Variants in NKTR observed in about 807,000 individuals in gnomAD.
The protein encoded by NKTR is NK-tumor recognition protein.
A neutral mutation model predicts 156.3 loss-of-function variants in NKTR; 67 were observed. The ratio of observed to expected loss-of-function variants is 0.43; its 90% CI spans 0.35 to 0.53. NKTR has a LOEUF of 0.53. Among genes scored for constraint, NKTR ranks in the 20% least tolerant of loss-of-function variants. The pLI is 0.01. For synonymous variants in NKTR, 640 were observed against 596.6 expected (o/e 1.07, Z -1.06); for missense variants, 1,604 against 1,730.9 (o/e 0.93, Z 1.30).
chr3:42,618,983 A>C lies in NKTR; in HGVS notation c.134-37A>C, dbSNP rs371376401. On this transcript the variant is annotated intron_variant, in intron 3 of 16. Coordinates refer to ENST00000232978, the MANE Select transcript of NKTR (RefSeq NM_005385.4). Reference sequence around the variant, plus strand: ...CTTTCCATGGAAGGATGTATAAATAATTAAACTTCATTTCTTTTTTTTTTT... The same window carrying C: ...CTTTCCATGGAAGGATGTATAAATACTTAAACTTCATTTCTTTTTTTTTTT... The C allele has an allele frequency of 5.9e-6, 9 of 1,528,200 alleles. No homozygotes were observed. The African/African-American group carries it at 1.0e-4, about 17-fold the overall frequency. The allele number at this position is 1,528,200 out of a possible 1,614,324, so 94.7% of individuals were successfully genotyped here.
intron 2 of NKTR, among the ~76,000 whole-genome samples, chr3:42,608,011 TTG>T (rs1706400052): frequency 2.3e-5 from 3 of 132,162 alleles, no homozygotes; most frequent in Non-Finnish European, 4.8e-5. Flanking sequence ...TTTTTTTTTT[TTG>T]AGTTTCCTTC....
chr3:42,632,546 C>T, intron 8 of NKTR, 55 bp from the exon 9 acceptor site: 4 of 1,077,350 alleles, frequency 3.7e-6, no homozygotes, highest in Non-Finnish European at 5.4e-6. Flanking sequence ...ATTTTTTACT[C>T]TGAAAGGTAG....
At chr3:42,608,489 C>T (rs1706457054) in intron 2 of NKTR, among the ~76,000 whole-genome samples, 1 of 152,108 alleles carries the variant, frequency 6.6e-6, no homozygotes, top group South Asian at 2.1e-4. Context: ...GATGCATGGG[C>T]CTTCTGGACA....
chr3:42,630,703 T>C, intron 7 of NKTR, 128 bp downstream of exon 7: 1 of 1,489,928 alleles, frequency 6.7e-7, no homozygotes, highest in Non-Finnish European at 8.9e-7. Flanking sequence ...CAAAAGCTAT[T>C]CCTTAGGATC....
rs777329859 is a variant in NKTR at position 42,642,602 on chromosome 3, C to T, written c.4142+6C>T. On this transcript the variant is annotated splice_donor_region_variant and intron_variant, in intron 14 of 16. Transcript: ENST00000232978. Reference sequence around the variant, plus strand: ...CGGAGTTACAAAAGTCACAGGTGAGCTTGTGATCTCACCCTGTGATGTGGT... The same window carrying T: ...CGGAGTTACAAAAGTCACAGGTGAGTTTGTGATCTCACCCTGTGATGTGGT... 1.5e-5 allele frequency: 24 copies of T among 1,603,856 alleles called. 2 individuals are homozygous for T. In the South Asian group the frequency reaches 1.7e-4, roughly 11 times the overall value.
At chr3:42,643,461 TGTTCAAA>T (rs1374369219) in intron 15 of NKTR, 66 bp downstream of exon 15, 1 of 1,309,198 alleles carries the variant, frequency 7.6e-7, no homozygotes, top group Non-Finnish European at 1.1e-6. Context: ...GTAAACTGTT[TGTTCAAA>T]GTGGTATTTT....
chr3:42,610,520 A>T (rs1196400359), intron 2 of NKTR, among the ~76,000 whole-genome samples: 1 of 151,778 alleles, frequency 6.6e-6, no homozygotes, highest in Non-Finnish European at 1.5e-5. Context: ...TTTCTTTTTT[A>T]AAATTTATTT....
intron 15 of NKTR, 83 bp from the exon 16 acceptor site, chr3:42,643,819 C>A: frequency 1.1e-6 from 1 of 936,012 alleles, no homozygotes; most frequent in Non-Finnish European, 1.7e-6. Context: ...TAAGCTAGAA[C>A]ACTCCTGAGA....
chr3:42,618,997 C>CTTTT (rs10712209), intron 3 of NKTR, 23 bp from the exon 4 acceptor site: 85 of 1,355,070 alleles, frequency 6.3e-5, no homozygotes, highest in East Asian at 2.2e-4. Context: ...AACTTCATTT[C>CTTTT]TTTTTTTTTT....
intron 15 of NKTR, 82 bp from the exon 16 acceptor site, chr3:42,643,820 A>G (rs1710122504): frequency 1.1e-6 from 1 of 941,348 alleles, no homozygotes. Context: ...AAGCTAGAAC[A>G]CTCCTGAGAT....
intron 6 of NKTR, chr3:42,627,875 C>G (rs1577513857): frequency 1.0e-6 from 1 of 985,220 alleles, no homozygotes; most frequent in East Asian, 1.1e-4. Context: ...CTTTTAAGAT[C>G]AATGCAATTT....
chr3:42,612,179 CAGTGTGCA>C (rs1241635837), intron 2 of NKTR: 50 of 152,234 alleles, frequency 3.3e-4, no homozygotes, highest in African/African-American at 1.1e-3. Flanking sequence ...AGGTGCAGTA[CAGTGTGCA>C]TAATCTACCA....
At chr3:42,617,687 T>C (rs1158415823) in intron 3 of NKTR, 43 bp downstream of exon 3, 3 of 1,044,032 alleles carry the variant, frequency 2.9e-6, no homozygotes, top group African/African-American at 3.1e-5. Flanking sequence ...TGGCTTACAG[T>C]TTTACCTTGC....
chr3:42,624,368 AT>A (rs1708182167), intron 6 of NKTR, among the ~76,000 whole-genome samples: 1 of 151,806 alleles, frequency 6.6e-6, no homozygotes, highest in Non-Finnish European at 1.5e-5. Context: ...TATTTTGAAC[AT>A]TTTTGAAGAA....
chr3:42,639,107 G>T lies in NKTR; in HGVS notation c.3403G>T (p.Asp1135Tyr). 6.2e-7 allele frequency: 1 copy of T among 1,614,112 alleles called. No homozygotes were observed. Among genetic ancestry groups the T allele is most frequent in the Non-Finnish European group, 8.5e-7 (1 of 1,179,984 alleles). The change falls in exon 13 of 17, where the codon GAT (aspartate) becomes TAT (tyrosine). Residue 1135 changes from aspartate to tyrosine, a missense_variant. Asp to Tyr is a radical substitution (Grantham distance 160). Coordinates refer to ENST00000232978, the MANE Select transcript of NKTR (RefSeq NM_005385.4). ...TDDNMEICTP[D>Y]RSSPAKVEET... ...TGACAACATGGAGATCTGCACTCCTGATAGGAGTTCCCCAGCAAAAGTAGA... is the reference window on the plus strand; with the variant it reads ...TGACAACATGGAGATCTGCACTCCTTATAGGAGTTCCCCAGCAAAAGTAGA...
intron 6 of NKTR, chr3:42,628,489 T>G (rs781073272): frequency 1.0e-6 from 1 of 985,400 alleles, no homozygotes; most frequent in Non-Finnish European, 1.2e-6. Flanking sequence ...ATAAAGTGGT[T>G]TTTACAGCCT....
intron 2 of NKTR, among the ~76,000 whole-genome samples, chr3:42,605,646 A>G (rs1706161729): frequency 6.6e-6 from 1 of 152,182 alleles, no homozygotes; most frequent in Non-Finnish European, 1.5e-5. Context: ...AAAATAGCTC[A>G]TACTTCGAGT....
chr3:42,602,202 G>C (rs185038650), intron 2 of NKTR: 2 of 152,304 alleles, frequency 1.3e-5, no homozygotes, highest in Non-Finnish European at 1.5e-5. Context: ...ATGTTTAGCT[G>C]TGTTTAGATA....
intron 2 of NKTR, among the ~76,000 whole-genome samples, chr3:42,615,118 G>A (rs190815964): frequency 8.5e-4 from 127 of 150,016 alleles, no homozygotes; most frequent in African/African-American, 2.7e-3. Flanking sequence ...TTACTGTGTC[G>A]CGCAGGCTGG....
Sources: allele counts gnomAD v4.1 joint callset (sites outside exome capture counted in the v4.1 genomes callset), GRCh38; gene constraint gnomAD v4.1.1; transcripts MANE v1.5; gene names NCBI Gene and HGNC (gene_info 2026-07-23, HGNC 2026-07-21).